The following AARS1 variants were observed in gnomAD, a reference collection of about 807,000 sequenced individuals.
The protein encoded by AARS1 is alanyl-tRNA synthetase 1.
Under a neutral mutation model 108.9 loss-of-function variants are expected in AARS1, and 72 were observed. That is an observed-to-expected ratio of 0.66 (90% CI 0.55 to 0.80). AARS1 has a LOEUF of 0.80. Ranked by LOEUF, AARS1 falls within the 30% of genes least tolerant of loss-of-function variation. AARS1 has a pLI of 0.00. For missense variants in AARS1, 1,193 were observed against 1,233.2 expected (o/e 0.97, Z 0.49); for synonymous variants, 489 against 465.7 (o/e 1.05, Z -0.64).
chr16:70,265,180 T>C lies in AARS1; in HGVS notation c.1348-78A>G, dbSNP rs1960234060. 16 of 1,565,750 alleles carry C rather than the reference T, an allele frequency of 1.0e-5. No homozygotes were observed. The South Asian group carries it at 1.8e-4, about 17-fold the overall frequency. On this transcript the variant is annotated intron_variant, in intron 10 of 20. Transcript: ENST00000261772. ...TCCAAAGGACTGGAACTTGCTAAAC[T>C]ATGCCCAGCATAAACTGCCAGAACA...
Position 70,271,801 on chromosome 16 carries a change from A to C in AARS1, c.651T>G (p.Leu217=). Residue 217 remains leucine (L), a synonymous_variant, in exon 5 of 21, where the codon CTT becomes CTG. Coordinates refer to ENST00000261772, the MANE Select transcript of AARS1 (RefSeq NM_001605.3). The stretch of plus-strand genomic sequence containing the variant: ...GCTACCTGTTATACTGGATGAACAC[A>C]AGGTTCCAGATCTCCAGCACATTAG... The part of the protein sequence containing the change: ...DDPNVLEIWN[L]VFIQYNREAD... The C allele has an allele frequency of 6.2e-7, 1 of 1,614,098 alleles. No individual in the cohort carries two copies. The highest frequency in any genetic ancestry group is 8.5e-7 in the Non-Finnish European group (1 of 1,179,992).
chr16:70,269,322 G>GAAAAAAA (rs56394253), intron 7 of AARS1, among the ~76,000 whole-genome samples: 59 of 64,262 alleles, frequency 9.2e-4, no homozygotes, highest in East Asian at 2.5e-3. Context: ...TTCTGTCTCA[G>GAAAAAAA]AAAAAAAAAA....
rs751917115 is a variant in AARS1, at chr16:70,282,329, A to AG, written c.144+290dup. Among the ~76,000 whole-genome samples, 487 of 40,560 alleles carry AG rather than the reference A, an allele frequency of 0.012. 7 individuals carry two copies. Among genetic ancestry groups the AG allele is most frequent in the African/African-American group, 0.048 (455 of 9,530 alleles). The allele number at this position is 40,560 out of a possible 152,430, so 26.6% of individuals were successfully genotyped here. On this transcript the variant is annotated intron_variant, in intron 2 of 20. Coordinates refer to ENST00000261772, the MANE Select transcript of AARS1 (RefSeq NM_001605.3). ...GGATGACAGAGCGAGACTCCGTCTC[A>AG]GGAAAAAAAAAAAAAAAAAAAAGCT...
intron 11 of AARS1, 35 bp from the exon 12 acceptor site, chr16:70,262,559 G>A: frequency 6.3e-7 from 1 of 1,586,014 alleles, no homozygotes; most frequent in Non-Finnish European, 8.6e-7. Flanking sequence ...GGGGACAGTG[G>A]GGTCAATGAC....
intron 1 of AARS1, among the ~76,000 whole-genome samples, chr16:70,285,447 T>C (rs576892530): frequency 6.6e-6 from 1 of 152,016 alleles, no homozygotes; most frequent in African/African-American, 2.4e-5. Flanking sequence ...GCCCAGTTAA[T>C]TTCTTTTTTT....
chr16:70,283,098 A>T lies in AARS1; in HGVS notation c.-21-314T>A, dbSNP rs1418699709. 2.6e-5 allele frequency among the ~76,000 whole-genome samples: 4 copies of T among 152,156 alleles called. No homozygotes were observed. In the South Asian group the frequency reaches 8.3e-4, roughly 32 times the overall value. ...CTCTGTGTCAGGCCCGAGACTAGGA[A>T]TTAGAAAAAAAGAGGGACAGCCAGG... On this transcript the variant is annotated intron_variant, in intron 1 of 20. Coordinates refer to ENST00000261772, the MANE Select transcript of AARS1 (RefSeq NM_001605.3).
rs946837808 is a variant in AARS1, at chr16:70,255,194, A to ATTTTTTTTT, written c.2287-469_2287-461dup. On this transcript the variant is annotated intron_variant, in intron 16 of 20. Coordinates refer to ENST00000261772, the MANE Select transcript of AARS1 (RefSeq NM_001605.3). ...GGAGGGGGTAGATGGCCAGATTCAC[A>ATTTTTTTTT]TTTTTTTTTTTTTTTTTTTTTTGGA... is the stretch of plus-strand genomic sequence containing the variant. Among the ~76,000 whole-genome samples, 27 of 104,268 alleles carry ATTTTTTTTT rather than the reference A, an allele frequency of 2.6e-4. 2 individuals are homozygous for ATTTTTTTTT. The highest frequency in any genetic ancestry group is 1.0e-3 in the African/African-American group (27 of 27,040). The allele number at this position is 104,268 out of a possible 152,430, so 68.4% of individuals were successfully genotyped here.
intron 9 of AARS1, 51 bp from the exon 10 acceptor site, chr16:70,265,713 A>T: frequency 3.7e-6 from 6 of 1,608,032 alleles, no homozygotes; most frequent in Non-Finnish European, 5.1e-6. Context: ...CCCCTTTTCC[A>T]TGCCAAGCCC....
chr16:70,256,842 T>C (rs1002049998), intron 15 of AARS1, among the ~76,000 whole-genome samples: 12 of 151,944 alleles, frequency 7.9e-5, no homozygotes, highest in African/African-American at 2.9e-4. Flanking sequence ...CAGCCGGGCG[T>C]GGTGGCTCAC....
At chr16:70,261,918 C>T (rs1264710252) in intron 12 of AARS1, among the ~76,000 whole-genome samples, 11 of 152,034 alleles carry the variant, frequency 7.2e-5, no homozygotes. Context: ...ATCCACCCGC[C>T]TTGGCCTCCC....
chr16:70,252,492 C>G lies in AARS1; in HGVS notation c.*229G>C, dbSNP rs191779998. ...CCGTTATCTATAGATGCGAGCGTGA[C>G]GATCAACAGCAATGCGGGGTTAGTG... On this transcript the variant is annotated 3_prime_UTR_variant, in exon 21 of 21. Transcript: ENST00000261772. 8.1e-4 allele frequency: 470 copies of G among 583,644 alleles called. 5 individuals are homozygous for G. The Admixed American group carries it at 0.011, about 14-fold the overall frequency. The allele number at this position is 583,644 out of a possible 1,614,324, so 36.2% of individuals were successfully genotyped here. A position where few individuals can be genotyped will look rare whatever the true frequency, so the allele number is the denominator to read the frequency against.
chr16:70,272,230 C>T (rs983852096), intron 4 of AARS1, among the ~76,000 whole-genome samples: 3 of 152,010 alleles, frequency 2.0e-5, no homozygotes, highest in African/African-American at 7.2e-5. Flanking sequence ...AGAAGCTGGG[C>T]GTGGTGGCTC....
chr16:70,284,655 G>T (rs1471590686), intron 1 of AARS1, among the ~76,000 whole-genome samples: 2 of 152,138 alleles, frequency 1.3e-5, no homozygotes, highest in African/African-American at 2.4e-5. Flanking sequence ...TCCCTGAGAG[G>T]TAGGCTGGGG....
intron 13 of AARS1, 73 bp from the exon 14 acceptor site, chr16:70,259,259 C>G (rs749210185): frequency 5.5e-6 from 8 of 1,462,818 alleles, no homozygotes; most frequent in Non-Finnish European, 7.6e-6. Context: ...TCTGCTCCCC[C>G]GAGTGCTACA....
At chr16:70,261,669 G>C (rs560594632) in intron 12 of AARS1, among the ~76,000 whole-genome samples, 2 of 113,708 alleles carry the variant, frequency 1.8e-5, no homozygotes, top group South Asian at 4.9e-4. Context: ...GAGCATCTTA[G>C]AATTTTTTTT....
intron 15 of AARS1, among the ~76,000 whole-genome samples, chr16:70,256,054 CAAATG>C (rs1298913657): frequency 3.3e-5 from 5 of 152,190 alleles, no homozygotes; most frequent in Non-Finnish European, 7.4e-5. Flanking sequence ...CTGTGAAAAT[CAAATG>C]AGGTAAACAT....
At position 70,262,488 on chromosome 16, in the gene AARS1, C is replaced by T. The variant is rs202176955; in HGVS notation, c.1529G>A (p.Arg510His). The T allele has an allele frequency of 2.0e-5, 33 of 1,614,026 alleles. No individual in the cohort carries two copies. The East Asian group carries it at 2.9e-4, about 14-fold the overall frequency. ...CTCTTCCACGAACATCTTCTCCCTG[C>T]GCAGAGCCATCACCGTAGCCACTGT... is the stretch of plus-strand genomic sequence containing the variant. ...ENTVATVMAL[R>H]REKMFVEEVS... The change falls in exon 12 of 21, where the codon CGC becomes CAC. Residue 510 changes from arginine to histidine, a missense_variant. By Grantham distance (29) the Arg-to-His change is conservative (BLOSUM62 0). Transcript: ENST00000261772.
chr16:70,262,533 G>A lies in AARS1; in HGVS notation c.1493-9C>T, dbSNP rs780911124. 1 of 1,606,196 alleles carries A rather than the reference G, an allele frequency of 6.2e-7. No homozygotes were observed. The highest frequency in any genetic ancestry group is 1.7e-5 in the Admixed American group (1 of 59,838). On this transcript the variant is annotated splice_polypyrimidine_tract_variant and intron_variant, in intron 11 of 20. Coordinates refer to ENST00000261772, the MANE Select transcript of AARS1 (RefSeq NM_001605.3). ...CACTGTGTTCTCAAATACTGCTCAA[G>A]GGAAATGCATAGAAAGGGGACAGTG...
At chr16:70,285,684 G>A (rs1409729308) in intron 1 of AARS1, among the ~76,000 whole-genome samples, 2 of 151,918 alleles carry the variant, frequency 1.3e-5, no homozygotes. Flanking sequence ...CCTGACCTCA[G>A]GTGATCTGCC....
Sources: gnomAD v4.1 joint callset for allele counts (sites outside exome capture counted in the v4.1 genomes callset) on GRCh38, gnomAD v4.1.1 for gene constraint, MANE v1.5 for transcripts, NCBI Gene and HGNC (gene_info 2026-07-23, HGNC 2026-07-21) for gene names.